The following DHX34 variants were observed in gnomAD, a reference collection of about 807,000 sequenced individuals.
DHX34 encodes probable ATP-dependent RNA helicase DHX34.
DHX34 carries 96 observed loss-of-function variants against 111.1 expected under a neutral mutation model. That is an observed-to-expected ratio of 0.86 (90% CI 0.73 to 1.02). The LOEUF (loss-of-function observed/expected upper bound fraction) is 1.02. Among genes scored for constraint, DHX34 ranks in the 50% least tolerant of loss-of-function variants. The pLI is 0.00. For missense variants in DHX34, 1,560 were observed against 1,579.9 expected, an observed-to-expected ratio of 0.99 and a Z score of 0.21; for synonymous variants, 688 against 670.4, an observed-to-expected ratio of 1.03 and a Z score of -0.41.
At position 47,353,832 on chromosome 19, in the gene DHX34, A is replaced by G; in HGVS notation, c.705+97A>G. On this transcript the variant is annotated intron_variant, in intron 2 of 16. Transcript: ENST00000328771. This position sits in a 1 kb window ranked among gnomAD's most constrained non-coding sequence, Gnocchi z 4.6. Reference sequence around the variant, plus strand: ...CAGTATCAATAAAAATGAAGCACTTACCCTTGGACCCAGCGATGATTCTTC... The same window carrying G: ...CAGTATCAATAAAAATGAAGCACTTGCCCTTGGACCCAGCGATGATTCTTC... 1 of 1,151,274 alleles carries G rather than the reference A, an allele frequency of 8.7e-7. No individual in the cohort carries two copies. The highest frequency in any genetic ancestry group is 1.6e-5 in the South Asian group (1 of 60,608). 71.3% of individuals were successfully genotyped at this position (1,151,274 alleles called of 1,614,324 possible).
intron 5 of DHX34, among the ~76,000 whole-genome samples, chr19:47,361,781 AAAAG>A (rs1445722256): frequency 6.6e-6 from 1 of 152,134 alleles, no homozygotes; most frequent in Non-Finnish European, 1.5e-5. Context: ...TCAAAAAAAG[AAAAG>A]AAAGAAAATG....
Position 47,381,988 on chromosome 19 carries a change from G to T in DHX34, c.3307G>T (p.Glu1103Ter). 6.2e-7 allele frequency: 1 copy of T among 1,614,096 alleles called. No homozygotes were observed. The highest frequency in any genetic ancestry group is 8.5e-7 in the Non-Finnish European group (1 of 1,179,990). Residue 1103 changes from glutamate to a stop codon, truncating the protein, a stop_gained, in exon 17 of 17, where the codon GAA becomes TAA. Coordinates refer to ENST00000328771, the MANE Select transcript of DHX34 (RefSeq NM_014681.6). LOFTEE classifies it high-confidence loss of function. ...APQDGPPGAE[E>*]AALETLQKTS... ...TCCTTTTCCTCCCTTAGGGGCTGAG[G>T]AAGCTGCCCTCGAAACCCTCCAGAA...
chr19:47,360,764 C>T lies in DHX34; in HGVS notation c.1375+694C>T, dbSNP rs139101712. Among the ~76,000 whole-genome samples, 494 of 152,074 alleles carry T rather than the reference C, an allele frequency of 3.2e-3. 3 individuals are homozygous for T. The highest frequency in any genetic ancestry group is 0.011 in the African/African-American group (462 of 41,488). On this transcript the variant is annotated intron_variant, in intron 5 of 16. Coordinates refer to ENST00000328771, the MANE Select transcript of DHX34 (RefSeq NM_014681.6). Reference sequence around the variant, plus strand: ...GTGCAATGGTGCAAGCTCCGCCTCCCGGGTTCAAGTGATTCTCCTGCTTCA... The same window carrying T: ...GTGCAATGGTGCAAGCTCCGCCTCCTGGGTTCAAGTGATTCTCCTGCTTCA...
chr19:47,366,578 G>A (rs1169861730), intron 6 of DHX34, among the ~76,000 whole-genome samples: 2 of 150,934 alleles, frequency 1.3e-5, no homozygotes, highest in East Asian at 4.0e-4. Flanking sequence ...ACTGTGCCTG[G>A]CTGACACTGG....
intron 9 of DHX34, among the ~76,000 whole-genome samples, chr19:47,374,154 G>A (rs1462830752): frequency 1.3e-5 from 2 of 152,124 alleles, no homozygotes; most frequent in Non-Finnish European, 2.9e-5. Flanking sequence ...AATAGCACTT[G>A]CCAGCCGGGC....
chr19:47,350,781 G>A (rs1330594407), intron 1 of DHX34, among the ~76,000 whole-genome samples: 1 of 152,054 alleles, frequency 6.6e-6, no homozygotes, highest in African/African-American at 2.4e-5. Context: ...ACTGAAGAGA[G>A]ATGGAGAAAG....
chr19:47,365,583 C>T (rs1445934626), intron 6 of DHX34, among the ~76,000 whole-genome samples: 2 of 152,126 alleles, frequency 1.3e-5, no homozygotes, highest in African/African-American at 4.8e-5. Context: ...ATTGGGTGAA[C>T]TCATAGACGG....
At position 47,353,265 on chromosome 19, in the gene DHX34, G is replaced by A; in HGVS notation, c.235G>A (p.Glu79Lys). Residue 79 changes from glutamate (E) to lysine (K), a missense_variant, in exon 2 of 17, where the codon GAG (glutamate) becomes AAG (lysine). Coordinates refer to ENST00000328771, the MANE Select transcript of DHX34 (RefSeq NM_014681.6). This position sits in a 1 kb window ranked among gnomAD's most constrained non-coding sequence, Gnocchi z 4.6. ...CCAGAATCTCAAGACCTCCAGGAAG[G>A]AGGAGAAAGACCCTGGACAGCCCAA... The part of the protein sequence containing the change: ...RFQNLKTSRK[E>K]EKDPGQPKHS... The A allele has an allele frequency of 1.9e-6, 3 of 1,614,166 alleles. No individual in the cohort carries two copies. The highest frequency in any genetic ancestry group is 2.5e-6 in the Non-Finnish European group (3 of 1,180,028).
In DHX34 at chr19:47,375,320, C is replaced by T. The variant is rs369546666; in HGVS notation, c.2065-146C>T. ...GAGGACAGCTCTCTCTCTGGAGCAG[C>T]GATCCATGCCCAGCACCATGCGAGG... On this transcript the variant is annotated intron_variant, in intron 9 of 16. Transcript: ENST00000328771. 85 of 1,401,182 alleles carry T rather than the reference C, an allele frequency of 6.1e-5. No individual in the cohort carries two copies. The Middle Eastern group carries it at 1.0e-3, about 17-fold the overall frequency. The allele number at this position is 1,401,182 out of a possible 1,614,324, so 86.8% of individuals were successfully genotyped here. A position where few individuals can be genotyped will look rare whatever the true frequency, so the allele number is the denominator to read the frequency against.
chr19:47,367,721 C>G (rs1054895682), intron 7 of DHX34, among the ~76,000 whole-genome samples: 6 of 151,958 alleles, frequency 3.9e-5, no homozygotes, highest in African/African-American at 1.5e-4. Flanking sequence ...AACCCTGTCT[C>G]TACTAAAAAT....
intron 1 of DHX34, among the ~76,000 whole-genome samples, chr19:47,349,784 A>G (rs1447290609): frequency 6.6e-6 from 1 of 152,128 alleles, no homozygotes; most frequent in Non-Finnish European, 1.5e-5. Context: ...GAAACAGAAA[A>G]AATGGAATTT....
At chr19:47,366,945 G>A (rs764482152) in intron 6 of DHX34, 36 bp from the exon 7 acceptor site, 4 of 1,518,128 alleles carry the variant, frequency 2.6e-6, no homozygotes, top group Non-Finnish European at 1.8e-6. Context: ...TGGCTCTTGT[G>A]TTCCCCAATC....
At chr19:47,374,161 G>A (rs747919293) in intron 9 of DHX34, among the ~76,000 whole-genome samples, 5 of 152,146 alleles carry the variant, frequency 3.3e-5, no homozygotes, top group Admixed American at 1.3e-4. Flanking sequence ...CTTGCCAGCC[G>A]GGCGTGGTGG....
rs147132554 is a variant in DHX34 at position 47,352,637 on chromosome 19, T to C, written c.-277-117T>C. ...CTGTGGTGAGCCATGATTACGGCAC[T>C]GCACTCCAGCCTGGGAAACAGAGTG... On this transcript the variant is annotated intron_variant, in intron 1 of 16. Coordinates refer to ENST00000328771, the MANE Select transcript of DHX34 (RefSeq NM_014681.6). 42 of 191,826 alleles carry C rather than the reference T, an allele frequency of 2.2e-4. No homozygotes were observed. In the East Asian group the frequency reaches 5.4e-3, roughly 25 times the overall value. The allele number at this position is 191,826 out of a possible 1,614,324, so 11.9% of individuals were successfully genotyped here. A position where few individuals can be genotyped will look rare whatever the true frequency, so the allele number is the denominator to read the frequency against.
intron 8 of DHX34, among the ~76,000 whole-genome samples, chr19:47,373,270 G>C (rs1481371075): frequency 1.3e-5 from 2 of 152,124 alleles, no homozygotes; most frequent in Non-Finnish European, 2.9e-5. Flanking sequence ...TAGTGCTGGG[G>C]GCCCATCAGT....
chr19:47,382,691 CA>C lies in DHX34; in HGVS notation c.*579del, dbSNP rs1568410959. 6.6e-6 allele frequency: 1 copy of C among 152,228 alleles called. No individual in the cohort carries two copies. The highest frequency in any genetic ancestry group is 2.4e-5 in the African/African-American group (1 of 41,268). 9.4% of individuals were successfully genotyped at this position (152,228 alleles called of 1,614,324 possible). Reference sequence around the variant, plus strand: ...CTCCCGTAATAAAAAAATAAAAGAACAGGCTGAGCCGGGCATGGTTGCTCAC... The same window carrying C: ...CTCCCGTAATAAAAAAATAAAAGAACGGCTGAGCCGGGCATGGTTGCTCAC... On this transcript the variant is annotated 3_prime_UTR_variant, in exon 17 of 17. Transcript: ENST00000328771.
At chr19:47,375,325 C>T in intron 9 of DHX34, 141 bp from the exon 10 acceptor site, 1 of 1,405,416 alleles carries the variant, frequency 7.1e-7, no homozygotes, top group African/African-American at 1.5e-5. Context: ...AGCAGCGATC[C>T]ATGCCCAGCA....
rs1969332771 is a variant in DHX34 at position 47,353,026 on chromosome 19, G to A, written c.-5G>A. On this transcript the variant is annotated 5_prime_UTR_variant, in exon 2 of 17. Coordinates refer to ENST00000328771, the MANE Select transcript of DHX34 (RefSeq NM_014681.6). This position sits in a 1 kb window ranked among gnomAD's most constrained non-coding sequence, Gnocchi z 4.6. ...GAACTGAGACTCCTATTGTGGATTAGTAACATGCCTCCTCCTAGAACAAGG... is the reference window on the plus strand; with the variant it reads ...GAACTGAGACTCCTATTGTGGATTAATAACATGCCTCCTCCTAGAACAAGG... 1 of 1,607,726 alleles carries A rather than the reference G, an allele frequency of 6.2e-7. No homozygotes were observed. Among genetic ancestry groups the A allele is most frequent in the South Asian group, 1.1e-5 (1 of 90,924 alleles).
rs111779170 is a variant in DHX34 at position 47,375,361 on chromosome 19, C to T, written c.2065-105C>T. 196 of 1,436,340 alleles carry T rather than the reference C, an allele frequency of 1.4e-4. No homozygotes were observed. The African/African-American group carries it at 2.6e-3, about 19-fold the overall frequency. 89.0% of individuals were successfully genotyped at this position (1,436,340 alleles called of 1,614,324 possible). ...CCATGCGAGGGGCTGTTTTCAGCCC[C>T]CTTTGGGCACTAGCAGCCCTGCCAC... On this transcript the variant is annotated intron_variant, in intron 9 of 16. Transcript: ENST00000328771.
Sources: allele counts gnomAD v4.1 joint callset (sites outside exome capture counted in the v4.1 genomes callset), GRCh38; gene constraint gnomAD v4.1.1; non-coding constraint Gnocchi (gnomAD v3.1); transcripts MANE v1.5; gene names NCBI Gene and HGNC (gene_info 2026-07-23, HGNC 2026-07-21).